Variants in FAT3 observed in about 807,000 individuals in gnomAD.
The protein encoded by FAT3 is protocadherin Fat 3.
A neutral mutation model predicts 310.2 loss-of-function variants in FAT3; 95 were observed. The ratio of observed to expected loss-of-function variants is 0.31; its 90% confidence interval spans 0.26 to 0.36. The LOEUF (loss-of-function observed/expected upper bound fraction) is 0.36. FAT3 is among the 10% of genes least tolerant of loss of function. The pLI is 1.00. For synonymous variants in FAT3, 2,314 were observed against 2,192.9 expected (o/e 1.06, Z -1.54); for missense variants, 5,408 against 5,715.6 (o/e 0.95, Z 1.74).
At chr11:92,453,971 G>T (rs1951431239) in intron 2 of FAT3, among the ~76,000 whole-genome samples, 1 of 151,668 alleles carries the variant, frequency 6.6e-6, no homozygotes, top group East Asian at 1.9e-4. Flanking sequence ...ATATTTTCAG[G>T]TTACAGCCAC....
At chr11:92,468,148 A>C (rs2135138242) in intron 2 of FAT3, among the ~76,000 whole-genome samples, 1 of 152,320 alleles carries the variant, frequency 6.6e-6, no homozygotes, top group Admixed American at 6.5e-5. Context: ...GTTTCTGATT[A>C]GATCAGGTTT....
At chr11:92,718,808 G>A (rs1316359061) in intron 4 of FAT3, among the ~76,000 whole-genome samples, 2 of 152,134 alleles carry the variant, frequency 1.3e-5, no homozygotes, top group Non-Finnish European at 2.9e-5. Flanking sequence ...ATCCAGTCCT[G>A]ATGCTTACAG....
intron 19 of FAT3, among the ~76,000 whole-genome samples, chr11:92,852,049 G>A (rs534482638): frequency 2.0e-5 from 3 of 152,264 alleles, no homozygotes; most frequent in South Asian, 2.1e-4. Flanking sequence ...GATAAAGATT[G>A]TAGGGCTTTG....
chr11:92,522,865 C>T (rs1953731985), intron 2 of FAT3, among the ~76,000 whole-genome samples: 2 of 152,138 alleles, frequency 1.3e-5, no homozygotes, highest in African/African-American at 4.8e-5. Context: ...ATGGTCTTCT[C>T]ATAAATATGT....
At chr11:92,465,745 G>A (rs571543091) in intron 2 of FAT3, among the ~76,000 whole-genome samples, 6 of 152,054 alleles carry the variant, frequency 3.9e-5, no homozygotes, top group Non-Finnish European at 7.3e-5. Flanking sequence ...GATAGCATTC[G>A]GAGAAATACC....
intron 4 of FAT3, among the ~76,000 whole-genome samples, chr11:92,726,598 C>T (rs536887521): frequency 2.6e-5 from 4 of 152,126 alleles, no homozygotes; most frequent in South Asian, 2.1e-4. Context: ...CCCCTTCACA[C>T]GTGACATGAT....
Position 92,542,564 on chromosome 11 carries a change from G to A in FAT3, c.3607+17616G>A, listed in dbSNP as rs574688764. ...AGACATTTCTCCAAAGAAGACATAC[G>A]AATGGCCAACAGGTATATGAAAAAA... On this transcript the variant is annotated intron_variant, in intron 3 of 27. Coordinates refer to ENST00000525166, the MANE Select transcript of FAT3 (RefSeq NM_001367949.2). 2.2e-4 allele frequency among the ~76,000 whole-genome samples: 34 copies of A among 151,672 alleles called. 1 individual carries two copies. In the East Asian group the frequency reaches 6.2e-3, roughly 28 times the overall value.
chr11:92,836,642 A>C lies in FAT3; in HGVS notation c.10163A>C (p.Glu3388Ala). The stretch of plus-strand genomic sequence containing the variant: ...ATTGTGAATGGAGATCGGGACAATG[A>C]ATTTACTGTAGATCCTGTCTTGGGA... ...FSIVNGDRDN[E>A]FTVDPVLGLV... The change falls in exon 16 of 28, where the codon GAA (glutamate) becomes GCA (alanine). Residue 3388 changes from glutamate (E) to alanine (A), a missense_variant. Glu to Ala is a moderately radical substitution (Grantham distance 107). Transcript: ENST00000525166. 1.9e-6 allele frequency: 3 copies of C among 1,613,810 alleles called. No individual in the cohort carries two copies. Among genetic ancestry groups the C allele is most frequent in the Non-Finnish European group, 2.5e-6 (3 of 1,179,786 alleles).
intron 2 of FAT3, among the ~76,000 whole-genome samples, chr11:92,425,504 A>G (rs1950612880): frequency 6.6e-6 from 1 of 152,058 alleles, no homozygotes; most frequent in African/African-American, 2.4e-5. Context: ...CGTCATCTAC[A>G]TTAGGTATTT....
At chr11:92,269,692 C>T (rs1946070263) in intron 1 of FAT3, among the ~76,000 whole-genome samples, 1 of 152,112 alleles carries the variant, frequency 6.6e-6, no homozygotes, top group South Asian at 2.1e-4. Context: ...TACCTACCTT[C>T]TTTCTAATTT....
intron 2 of FAT3, among the ~76,000 whole-genome samples, chr11:92,401,239 T>C (rs1950006797): frequency 6.6e-6 from 1 of 152,158 alleles, no homozygotes; most frequent in African/African-American, 2.4e-5. Flanking sequence ...TGGGAGTTGC[T>C]GTCTAAGGGG....
At chr11:92,445,155 A>C (rs1951180133) in intron 2 of FAT3, among the ~76,000 whole-genome samples, 1 of 152,192 alleles carries the variant, frequency 6.6e-6, no homozygotes, top group African/African-American at 2.4e-5. Flanking sequence ...GAGAAAATAA[A>C]ATACGTTATT....
rs572455785 is a variant in FAT3 at position 92,602,059 on chromosome 11, C to T, written c.3607+77111C>T. Among the ~76,000 whole-genome samples, 41 of 151,482 alleles carry T rather than the reference C, an allele frequency of 2.7e-4. No individual in the cohort carries two copies. The South Asian group carries it at 6.3e-3, about 23-fold the overall frequency. ...GGCACGGCATAGTCCTAACTACTTA[C>T]GTGTATTACCTTAATTAATTTTTTT... On this transcript the variant is annotated intron_variant, in intron 3 of 27. Transcript: ENST00000525166.
At chr11:92,562,631 G>T (rs183481248) in intron 3 of FAT3, among the ~76,000 whole-genome samples, 1 of 152,202 alleles carries the variant, frequency 6.6e-6, no homozygotes, top group Admixed American at 6.5e-5. Context: ...CAGGAAAGCT[G>T]ATGGTGCAAT....
chr11:92,389,723 A>G (rs1314924916), intron 2 of FAT3, among the ~76,000 whole-genome samples: 1 of 152,174 alleles, frequency 6.6e-6, no homozygotes, highest in African/African-American at 2.4e-5. Flanking sequence ...CCTTTTACTG[A>G]TAATAAAATA....
At chr11:92,622,645 GTCA>G (rs1211545182) in intron 3 of FAT3, among the ~76,000 whole-genome samples, 1 of 152,158 alleles carries the variant, frequency 6.6e-6, no homozygotes, top group Non-Finnish European at 1.5e-5. Context: ...CACATCAGAA[GTCA>G]TGCATGACCT....
chr11:92,564,848 GAC>G (rs1955370561), intron 3 of FAT3, among the ~76,000 whole-genome samples: 1 of 142,844 alleles, frequency 7.0e-6, no homozygotes. Flanking sequence ...CGAGAACAAA[GAC>G]ACAACATACC....
intron 4 of FAT3, among the ~76,000 whole-genome samples, chr11:92,720,531 G>A (rs1944831376): frequency 6.6e-6 from 1 of 152,164 alleles, no homozygotes; most frequent in African/African-American, 2.4e-5. Context: ...TGAAAAACAT[G>A]TCTTAACATA....
intron 21 of FAT3, among the ~76,000 whole-genome samples, chr11:92,860,713 C>G (rs1949099515): frequency 1.3e-5 from 2 of 152,066 alleles, no homozygotes; most frequent in Non-Finnish European, 2.9e-5. Flanking sequence ...ATTAGGTGGC[C>G]CAGGCTTTAG....
Sources: allele counts gnomAD v4.1 joint callset (sites outside exome capture counted in the v4.1 genomes callset), GRCh38; gene constraint gnomAD v4.1.1; transcripts MANE v1.5; gene names NCBI Gene and HGNC (gene_info 2026-07-23, HGNC 2026-07-21).